UST: variants seen among roughly 807,000 people sequenced by gnomAD.
UST encodes uronyl 2-sulfotransferase.
A neutral mutation model predicts 45.6 loss-of-function variants in UST; 21 were observed. That is an observed-to-expected ratio of 0.46 (90% CI 0.33 to 0.66). The LOEUF is 0.66. UST is among the 30% of genes least tolerant of loss of function. UST has a pLI of 0.02. For synonymous variants in UST, 215 were observed against 200.6 expected (o/e 1.07, Z -0.61); for missense variants, 463 against 512.4 (o/e 0.90, Z 0.93).
intron 1 of UST, among the ~76,000 whole-genome samples, chr6:148,759,847 C>CAAAAA (rs71554421): frequency 6.8e-4 from 40 of 59,202 alleles, no homozygotes; most frequent in African/African-American, 2.3e-3. Context: ...GACTCTGTCT[C>CAAAAA]AAAAAAAAAA....
chr6:149,007,138 G>C (rs1421218531), intron 5 of UST, among the ~76,000 whole-genome samples: 1 of 60,698 alleles, frequency 1.6e-5, no homozygotes, highest in East Asian at 5.7e-4. Context: ...TTTTTTTTTT[G>C]AGATGGAGTC....
At chr6:148,854,782 A>C (rs1778170695) in intron 1 of UST, among the ~76,000 whole-genome samples, 1 of 152,224 alleles carries the variant, frequency 6.6e-6, no homozygotes, top group African/African-American at 2.4e-5. Flanking sequence ...GTAGAAATTA[A>C]AGGTAGGAAA....
At chr6:148,798,962 C>T (rs1038491641) in intron 1 of UST, among the ~76,000 whole-genome samples, 15 of 152,058 alleles carry the variant, frequency 9.9e-5, no homozygotes, top group Non-Finnish European at 1.9e-4. Context: ...CTCTGCCTCT[C>T]GGGTTCAAGC....
Position 149,029,292 on chromosome 6 carries a change from T to A in UST, c.937+7811T>A, listed in dbSNP as rs531474524. Reference sequence around the variant, plus strand: ...TGAGTTAAAAGTATATACATGTATATCTAAATTATATATAAAGTATATGTA... The same window carrying A: ...TGAGTTAAAAGTATATACATGTATAACTAAATTATATATAAAGTATATGTA... On this transcript the variant is annotated intron_variant, in intron 7 of 7. Transcript: ENST00000367463. Among the ~76,000 whole-genome samples the A allele has an allele frequency of 2.0e-5, 3 of 148,922 alleles. No homozygotes were observed. The Admixed American group carries it at 2.0e-4, about 10-fold the overall frequency.
At chr6:148,875,349 A>C (rs1778627651) in intron 1 of UST, among the ~76,000 whole-genome samples, 1 of 152,242 alleles carries the variant, frequency 6.6e-6, no homozygotes, top group Non-Finnish European at 1.5e-5. Flanking sequence ...AATTGGAAAA[A>C]ATTTTTTGTA....
At chr6:149,024,670 A>C (rs1776025064) in intron 7 of UST, among the ~76,000 whole-genome samples, 1 of 152,222 alleles carries the variant, frequency 6.6e-6, no homozygotes, top group African/African-American at 2.4e-5. Flanking sequence ...GAATAGCTGC[A>C]AGTTTCTAGT....
intron 1 of UST, among the ~76,000 whole-genome samples, chr6:148,791,554 GA>G (rs1776848473): frequency 6.6e-6 from 1 of 152,142 alleles, no homozygotes; most frequent in Admixed American, 6.5e-5. Context: ...AAACAAACAT[GA>G]GTTCTATTCT....
At chr6:148,914,047 C>T (rs542646740) in intron 2 of UST, among the ~76,000 whole-genome samples, 1 of 152,102 alleles carries the variant, frequency 6.6e-6, no homozygotes, top group South Asian at 2.1e-4. Context: ...GAATTAGTGC[C>T]CTTATAGGAA....
intron 7 of UST, among the ~76,000 whole-genome samples, chr6:149,062,316 A>G (rs1776666130): frequency 6.6e-6 from 1 of 152,190 alleles, no homozygotes. Flanking sequence ...ACCCTCAACT[A>G]AGGAAGGAAT....
intron 1 of UST, among the ~76,000 whole-genome samples, chr6:148,883,213 C>A (rs949352778): frequency 6.6e-6 from 1 of 152,184 alleles, no homozygotes; most frequent in African/African-American, 2.4e-5. Context: ...GTATTTCTCA[C>A]TTAGAACTAA....
At chr6:149,001,543 C>A (rs1781550118) in intron 5 of UST, among the ~76,000 whole-genome samples, 1 of 152,098 alleles carries the variant, frequency 6.6e-6, no homozygotes, top group South Asian at 2.1e-4. Flanking sequence ...TTCTTGTCAG[C>A]AACAATAGAT....
chr6:149,064,595 T>A (rs1776705490), intron 7 of UST, among the ~76,000 whole-genome samples: 1 of 152,202 alleles, frequency 6.6e-6, no homozygotes, highest in South Asian at 2.1e-4. Flanking sequence ...GGCACACCAG[T>A]GAGGCCTAAT....
intron 2 of UST, among the ~76,000 whole-genome samples, chr6:148,889,422 C>T (rs1778971136): frequency 6.6e-6 from 1 of 152,114 alleles, no homozygotes; most frequent in South Asian, 2.1e-4. Context: ...GGTCAGTTAC[C>T]TGCCTAGGAG....
rs567947767 is a variant in UST at position 148,828,543 on chromosome 6, T to A, written c.248-58443T>A. ...AAGAGCACAGACTCTGGAACCAGAT[T>A]GCCTGGGTTAAAATTCTTGGCTCTC... On this transcript the variant is annotated intron_variant, in intron 1 of 7. Coordinates refer to ENST00000367463, the MANE Select transcript of UST (RefSeq NM_005715.3). Among the ~76,000 whole-genome samples the A allele has an allele frequency of 5.9e-5, 9 of 152,326 alleles. No individual in the cohort carries two copies. In the South Asian group the frequency reaches 1.9e-3, roughly 32 times the overall value.
At chr6:148,871,170 C>T (rs1283249937) in intron 1 of UST, among the ~76,000 whole-genome samples, 1 of 149,200 alleles carries the variant, frequency 6.7e-6, no homozygotes, top group African/African-American at 2.5e-5. Context: ...CTCTCTCTGT[C>T]CTTCTCTCTC....
At chr6:149,034,437 T>C (rs952793023) in intron 7 of UST, among the ~76,000 whole-genome samples, 4 of 147,862 alleles carry the variant, frequency 2.7e-5, no homozygotes, top group Admixed American at 6.7e-5. Context: ...CAGAGCTCTT[T>C]AAGCTCCATC....
chr6:148,798,945 C>A (rs1326320146), intron 1 of UST, among the ~76,000 whole-genome samples: 1 of 152,114 alleles, frequency 6.6e-6, no homozygotes, highest in Non-Finnish European at 1.5e-5. Context: ...GCTCGGCTCG[C>A]TGCAACCTCT....
At chr6:149,014,516 G>C (rs920220751) in intron 5 of UST, among the ~76,000 whole-genome samples, 1 of 152,206 alleles carries the variant, frequency 6.6e-6, no homozygotes, top group Non-Finnish European at 1.5e-5. Context: ...CCTGAGCCCT[G>C]TCCCAGGGAC....
At chr6:148,978,112 A>G (rs982962957) in intron 5 of UST, among the ~76,000 whole-genome samples, 5 of 152,184 alleles carry the variant, frequency 3.3e-5, no homozygotes, top group Non-Finnish European at 5.9e-5. Context: ...AGTGAATTCT[A>G]TGTTTGTCAA....
Sources: gnomAD v4.1 joint callset for allele counts (sites outside exome capture counted in the v4.1 genomes callset) on GRCh38, gnomAD v4.1.1 for gene constraint, MANE v1.5 for transcripts, NCBI Gene and HGNC (gene_info 2026-07-23, HGNC 2026-07-21) for gene names.